WDR72: variants seen among roughly 807,000 people sequenced by gnomAD.
WDR72 encodes WD repeat-containing protein 72.
A neutral mutation model predicts 124.2 loss-of-function variants in WDR72; 120 were observed. The ratio of observed to expected loss-of-function variants is 0.97; its 90% CI spans 0.83 to 1.12. The LOEUF (loss-of-function observed/expected upper bound fraction) is 1.12, where lower values mean the gene tolerates loss of function less well. Among genes scored for constraint, WDR72 ranks in the 50% most tolerant of loss-of-function variants. The pLI is 0.00. For synonymous variants in WDR72, 452 were observed against 441.7 expected (o/e 1.02, Z -0.29); for missense variants, 1,387 against 1,278.8 (o/e 1.08, Z -1.29).
chr15:53,736,775 T>C (rs1235755764), intron 1 of WDR72, among the ~76,000 whole-genome samples: 1 of 151,972 alleles, frequency 6.6e-6, no homozygotes, highest in African/African-American at 2.4e-5. Flanking sequence ...CAGAAAATGA[T>C]CAGGAGGGCA....
intron 9 of WDR72, among the ~76,000 whole-genome samples, chr15:53,710,342 T>C (rs1311140445): frequency 6.6e-6 from 1 of 151,216 alleles, no homozygotes; most frequent in African/African-American, 2.4e-5. Context: ...TGTGTGTATG[T>C]GTTTGTACGT....
At chr15:53,523,176 A>G (rs772307835) in intron 19 of WDR72, 42 bp downstream of exon 19, 34 of 1,596,128 alleles carry the variant, frequency 2.1e-5, no homozygotes, top group Non-Finnish European at 2.9e-5. Flanking sequence ...AGCTGTGTCA[A>G]ATTTATCATT....
At chr15:53,654,987 T>C (rs1005319117) in intron 14 of WDR72, among the ~76,000 whole-genome samples, 2 of 152,028 alleles carry the variant, frequency 1.3e-5, no homozygotes, top group Admixed American at 6.6e-5. Flanking sequence ...TCCCAGCATT[T>C]TGGGAGGCCG....
Position 53,615,967 on chromosome 15 carries a change from T to A in WDR72, c.2239A>T (p.Thr747Ser), listed in dbSNP as rs773294497. The change falls in exon 15 of 20, where the codon ACT (threonine) becomes TCT (serine). Residue 747 changes from threonine (T) to serine (S), a missense_variant. By Grantham distance (58) the Thr-to-Ser change is moderately conservative (BLOSUM62 1). Coordinates refer to ENST00000360509, the MANE Select transcript of WDR72 (RefSeq NM_182758.4). ...LSAEALAKPI[T>S]ESLAQGDNTI... ...TTATCTCCTTGGGCCAGGCTTTCAG[T>A]AATAGGCTTGGCTAGTGCCTCTGCT... 1.9e-6 allele frequency: 3 copies of A among 1,613,254 alleles called. No homozygotes were observed. The highest frequency in any genetic ancestry group is 2.5e-6 in the Non-Finnish European group (3 of 1,179,618).
At chr15:53,650,132 T>A (rs1473173770) in intron 14 of WDR72, among the ~76,000 whole-genome samples, 1 of 152,116 alleles carries the variant, frequency 6.6e-6, no homozygotes, top group Non-Finnish European at 1.5e-5. Flanking sequence ...ATTTCTGCAA[T>A]ATGTGATAAC....
At chr15:53,682,942 T>G (rs1481349822) in intron 13 of WDR72, among the ~76,000 whole-genome samples, 1 of 152,186 alleles carries the variant, frequency 6.6e-6, no homozygotes, top group Non-Finnish European at 1.5e-5. Context: ...TGACTCACAT[T>G]TCTTTATGAC....
rs942193903 is a variant in WDR72 at position 53,662,458 on chromosome 15, G to A, written c.1962+3114C>T. 3.5e-4 allele frequency among the ~76,000 whole-genome samples: 53 copies of A among 152,056 alleles called. 1 individual carries two copies. The highest frequency in any genetic ancestry group is 1.3e-4 in the Non-Finnish European group (9 of 68,008). ...AATGTTGCCAAACACAAAAAGCTCC[G>A]CTGCTAGTCTCCTGTTTAAACAGTT... is the stretch of plus-strand genomic sequence containing the variant. On this transcript the variant is annotated intron_variant, in intron 14 of 19. Transcript: ENST00000360509.
intron 14 of WDR72, among the ~76,000 whole-genome samples, chr15:53,621,411 G>A (rs937430997): frequency 7.5e-6 from 1 of 133,822 alleles, no homozygotes; most frequent in African/African-American, 3.4e-5. Context: ...ATCCATCAAT[G>A]AGTGGATAAA....
chr15:53,627,150 A>G (rs1445831779), intron 14 of WDR72, among the ~76,000 whole-genome samples: 1 of 152,222 alleles, frequency 6.6e-6, no homozygotes, highest in East Asian at 1.9e-4. Context: ...AAGATTCCCA[A>G]GTCTGTTTCT....
intron 18 of WDR72, among the ~76,000 whole-genome samples, chr15:53,574,107 A>G (rs868437556): frequency 4.6e-5 from 7 of 152,252 alleles, no homozygotes; most frequent in Middle Eastern, 6.8e-3. Flanking sequence ...GGAATCTTCT[A>G]TTTTTAAGGT....
At chr15:53,573,742 C>T (rs1008703269) in intron 18 of WDR72, among the ~76,000 whole-genome samples, 12 of 152,290 alleles carry the variant, frequency 7.9e-5, no homozygotes, top group East Asian at 3.9e-4. Context: ...GATGGGATTT[C>T]GCCATGTTGG....
chr15:53,592,749 G>C (rs572755520), intron 18 of WDR72, among the ~76,000 whole-genome samples: 1 of 151,994 alleles, frequency 6.6e-6, no homozygotes, highest in East Asian at 1.9e-4. Flanking sequence ...ACAATTTAGA[G>C]CACTTGTTTA....
At chr15:53,690,917 C>T (rs141464590) in intron 13 of WDR72, among the ~76,000 whole-genome samples, 24 of 152,208 alleles carry the variant, frequency 1.6e-4, no homozygotes, top group African/African-American at 5.5e-4. Context: ...TATATTCCCA[C>T]CAGCAATGTA....
intron 13 of WDR72, among the ~76,000 whole-genome samples, chr15:53,668,704 G>A (rs180907243): frequency 9.1e-4 from 138 of 152,054 alleles, no homozygotes; most frequent in African/African-American, 3.2e-3. Context: ...AGGAGTTCAA[G>A]ACCAGCCTGG....
At chr15:53,680,591 T>C (rs551514224) in intron 13 of WDR72, among the ~76,000 whole-genome samples, 11 of 152,336 alleles carry the variant, frequency 7.2e-5, no homozygotes, top group East Asian at 1.9e-4. Flanking sequence ...TTAAAGCCAA[T>C]TGTTTTTATT....
intron 1 of WDR72, among the ~76,000 whole-genome samples, chr15:53,734,732 C>T (rs1018737487): frequency 6.6e-5 from 10 of 151,644 alleles, no homozygotes; most frequent in Admixed American, 2.0e-4. Flanking sequence ...AAAAACTACC[C>T]CAGGAAGATA....
intron 14 of WDR72, among the ~76,000 whole-genome samples, chr15:53,653,445 G>C (rs1394804771): frequency 6.6e-6 from 1 of 152,186 alleles, no homozygotes; most frequent in Admixed American, 6.6e-5. Flanking sequence ...ATCGAAGTTA[G>C]ACTTGAAGGT....
At chr15:53,609,703 C>T in intron 16 of WDR72, 111 bp from the exon 17 acceptor site, 1 of 852,088 alleles carries the variant, frequency 1.2e-6, no homozygotes, top group South Asian at 1.4e-5. Flanking sequence ...TTTATAAACA[C>T]CAATGCCCAG....
chr15:53,670,551 A>G (rs10851543), intron 13 of WDR72, among the ~76,000 whole-genome samples: 48,690 of 152,128 alleles, frequency 0.32, 9,680 homozygotes, highest in Middle Eastern at 0.57. Flanking sequence ...AGGACACATC[A>G]TCACAGCATG....
Sources: gnomAD v4.1 joint callset for allele counts (sites outside exome capture counted in the v4.1 genomes callset) on GRCh38, gnomAD v4.1.1 for gene constraint, MANE v1.5 for transcripts, NCBI Gene and HGNC (gene_info 2026-07-23, HGNC 2026-07-21) for gene names.